The following RPL26L1 variants were observed in gnomAD, a reference collection of about 807,000 sequenced individuals.
RPL26L1 encodes ribosomal protein uL24-like.
In RPL26L1, 8 loss-of-function variants were observed where a neutral mutation model predicts 15.2. That is an observed-to-expected ratio of 0.53 (90% confidence interval 0.31 to 0.95). The LOEUF is 0.95. RPL26L1 is among the 40% of genes least tolerant of loss of function. The pLI, the probability that RPL26L1 is intolerant of heterozygous loss-of-function variation, is 0.05. For synonymous variants in RPL26L1, 51 were observed against 65.9 expected, an observed-to-expected ratio of 0.77 and a Z score of 1.09; for missense variants, 146 against 190.9, an observed-to-expected ratio of 0.76 and a Z score of 1.39.
At chr5:172,964,134 C>CATTT (rs374541148) in intron 2 of RPL26L1, among the ~76,000 whole-genome samples, 82 of 151,822 alleles carry the variant, frequency 5.4e-4, no homozygotes, top group East Asian at 1.4e-3. Context: ...AAATTAGAGA[C>CATTT]ATTTATTTAT....
At chr5:172,964,643 G>A (rs34010636) in intron 2 of RPL26L1, among the ~76,000 whole-genome samples, 125,856 of 152,176 alleles carry the variant, frequency 0.83, 53,055 homozygotes, top group Non-Finnish European at 0.91. Flanking sequence ...CAAAGGCCAT[G>A]CTGGCTGAAC....
At chr5:172,958,070 G>C (rs1441683699), upstream of RPL26L1, 2 of 282,376 alleles carry the variant, frequency 7.1e-6, no homozygotes, top group Non-Finnish European at 1.4e-5. Flanking sequence ...TTCAAGACCA[G>C]CCTGACCAAC....
chr5:172,954,298 G>A (rs146618279), upstream of RPL26L1, among the ~76,000 whole-genome samples: 1,853 of 152,250 alleles, frequency 0.012, 23 homozygotes, highest in Non-Finnish European at 0.015. Context: ...GGCCGGACGC[G>A]ATGGTTCACG....
chr5:172,965,378 T>C (rs1755414208), intron 2 of RPL26L1, among the ~76,000 whole-genome samples: 1 of 152,110 alleles, frequency 6.6e-6, no homozygotes, highest in Non-Finnish European at 1.5e-5. Flanking sequence ...TCTTTAAAAA[T>C]AAAAAATAAA....
intron 2 of RPL26L1, among the ~76,000 whole-genome samples, chr5:172,964,108 AAT>A (rs10531007): frequency 0.77 from 116,476 of 151,280 alleles, 47,273 homozygotes; most frequent in Non-Finnish European, 0.9. Context: ...GCTGCTGTTA[AAT>A]ATATATATAT....
rs1036273945 is a variant in RPL26L1 at position 172,968,444 on chromosome 5, T to G, written c.169-15T>G. On this transcript the variant is annotated splice_polypyrimidine_tract_variant and intron_variant, in intron 2 of 3. Coordinates refer to ENST00000265100, the MANE Select transcript of RPL26L1 (RefSeq NM_016093.4). ...CTACAAATGGAGGGGGATTCTCTTT[T>G]GTATTTTCTCTTAGGTAGTTCGAGG... 8 of 1,612,500 alleles carry G rather than the reference T, an allele frequency of 5.0e-6. No individual in the cohort carries two copies. The Admixed American group carries it at 1.2e-4, about 24-fold the overall frequency.
At chr5:172,957,192 G>T (rs937163649), upstream of RPL26L1, 2 of 456,086 alleles carry the variant, frequency 4.4e-6, no homozygotes, top group African/African-American at 4.0e-5. Flanking sequence ...GAGTTCCTGC[G>T]CATGTTTCCA....
At chr5:172,968,702 C>T in intron 3 of RPL26L1, 103 bp downstream of exon 3, 1 of 1,297,970 alleles carries the variant, frequency 7.7e-7, no homozygotes, top group African/African-American at 1.5e-5. Flanking sequence ...TGAGGCAGGC[C>T]AGGTGGACTT....
chr5:172,964,885 A>G (rs765939388), intron 2 of RPL26L1, among the ~76,000 whole-genome samples: 1 of 152,166 alleles, frequency 6.6e-6, no homozygotes, highest in Non-Finnish European at 1.5e-5. Context: ...TTCTGTTACA[A>G]TGAAAGAAAT....
intron 1 of RPL26L1, 95 bp downstream of exon 1, chr5:172,959,563 C>G: frequency 8.4e-7 from 1 of 1,187,906 alleles, no homozygotes; most frequent in Non-Finnish European, 1.1e-6. Context: ...CCCCACAGCT[C>G]TCTTTGAGTG....
chr5:172,958,561 T>TA (rs1581601679), upstream of RPL26L1: 1 of 371,610 alleles, frequency 2.7e-6, no homozygotes, highest in East Asian at 7.4e-5. Flanking sequence ...CCAGAGCCCT[T>TA]TTCCTTCCCT....
chr5:172,959,039 G>A (rs1477219314), upstream of RPL26L1: 2 of 152,542 alleles, frequency 1.3e-5, no homozygotes, highest in Admixed American at 1.3e-4. Flanking sequence ...TGGCTAACAG[G>A]GTGAAACCCC....
chr5:172,955,197 C>T (rs558454256), upstream of RPL26L1: 55 of 335,492 alleles, frequency 1.6e-4, no homozygotes, highest in South Asian at 8.1e-4. Context: ...GGCGCGATAT[C>T]GGCTCACTGC....
chr5:172,961,559 T>G (rs1477993884), intron 2 of RPL26L1, among the ~76,000 whole-genome samples: 1 of 152,224 alleles, frequency 6.6e-6, no homozygotes, highest in Non-Finnish European at 1.5e-5. Context: ...AAGAGAGCTG[T>G]CTACACTTCC....
rs1170057976 is a variant in RPL26L1 at position 172,964,285 on chromosome 5, T to C, written c.169-4174T>C. Among the ~76,000 whole-genome samples the C allele has an allele frequency of 4.5e-4, 59 of 131,962 alleles. 1 individual carries two copies. Among genetic ancestry groups the C allele is most frequent in the Non-Finnish European group, 8.2e-4 (50 of 60,816 alleles). 86.6% of individuals were successfully genotyped at this position (131,962 alleles called of 152,430 possible). A position where few individuals can be genotyped will look rare whatever the true frequency, so the allele number is the denominator to read the frequency against. Reference sequence around the variant, plus strand: ...CCACAGTGTCTGGCCTGTTGCCTTTTTTTTTTTTTTTTTTTTTGAGACAGA... The same window carrying C: ...CCACAGTGTCTGGCCTGTTGCCTTTCTTTTTTTTTTTTTTTTTGAGACAGA... On this transcript the variant is annotated intron_variant, in intron 2 of 3. Transcript: ENST00000265100.
upstream of RPL26L1, chr5:172,957,413 A>G (rs532355589): frequency 2.7e-6 from 1 of 374,124 alleles, no homozygotes; most frequent in Admixed American, 3.3e-5. Flanking sequence ...ATCTGTCTTT[A>G]CATGGCTTTC....
At chr5:172,961,370 C>T (rs1408141131) in intron 2 of RPL26L1, among the ~76,000 whole-genome samples, 1 of 152,178 alleles carries the variant, frequency 6.6e-6, no homozygotes, top group East Asian at 1.9e-4. Context: ...CTGGAAAGCT[C>T]AAGCCTCACA....
chr5:172,954,174 A>G (rs1425718898), upstream of RPL26L1, among the ~76,000 whole-genome samples: 6 of 152,228 alleles, frequency 3.9e-5, no homozygotes, highest in Admixed American at 3.9e-4. Context: ...AAATGAACCT[A>G]GTAAAACTAA....
chr5:172,954,592 A>AGAGG (rs1279480418), upstream of RPL26L1, among the ~76,000 whole-genome samples: 1 of 151,204 alleles, frequency 6.6e-6, no homozygotes, highest in African/African-American at 2.4e-5. Flanking sequence ...AGAGAAAGAG[A>AGAGG]GAGGGAGGGA....
Sources: allele counts gnomAD v4.1 joint callset (sites outside exome capture counted in the v4.1 genomes callset), GRCh38; gene constraint gnomAD v4.1.1; transcripts MANE v1.5; gene names NCBI Gene and HGNC (gene_info 2026-07-23, HGNC 2026-07-21).